Variants in CCNY observed in about 807,000 individuals in gnomAD.
CCNY encodes the protein cyclin-Y.
CCNY carries 19 observed loss-of-function variants against 42.8 expected under a neutral mutation model. That is an observed-to-expected ratio of 0.44 (90% CI 0.31 to 0.65). CCNY has a LOEUF of 0.65. Ranked by LOEUF, CCNY falls within the 30% of genes least tolerant of loss-of-function variation. CCNY has a pLI of 0.07. For missense variants in CCNY, 370 were observed against 437.3 expected, an observed-to-expected ratio of 0.85 and a Z score of 1.37; for synonymous variants, 165 against 162.7, an observed-to-expected ratio of 1.01 and a Z score of -0.11.
intron 4 of CCNY, among the ~76,000 whole-genome samples, chr10:35,524,443 C>T (rs1458647345): frequency 6.6e-6 from 1 of 152,180 alleles, no homozygotes; most frequent in Non-Finnish European, 1.5e-5. Flanking sequence ...GTGAGATTAG[C>T]TACTGTCATG....
rs367982853 is a variant in CCNY at position 35,436,250 on chromosome 10, G to A, written c.155-47154G>A. Reference sequence around the variant, plus strand: ...GGCAGGGCTTTAGAAAGGTGTGTGCGGTGGTGGGATGCAGTGTTCACAATT... The same window carrying A: ...GGCAGGGCTTTAGAAAGGTGTGTGCAGTGGTGGGATGCAGTGTTCACAATT... On this transcript the variant is annotated intron_variant, in intron 1 of 9. Coordinates refer to ENST00000374704, the MANE Select transcript of CCNY (RefSeq NM_145012.6). Among the ~76,000 whole-genome samples, 12 of 152,302 alleles carry A rather than the reference G, an allele frequency of 7.9e-5. No individual in the cohort carries two copies. In the East Asian group the frequency reaches 1.2e-3, roughly 15 times the overall value.
intron 3 of CCNY, among the ~76,000 whole-genome samples, chr10:35,291,337 CT>C (rs758090645): frequency 6.6e-6 from 1 of 151,990 alleles, no homozygotes; most frequent in Non-Finnish European, 1.5e-5. Context: ...GCTTCTTTCA[CT>C]TAGCATGATG....
chr10:35,253,553 C>T (rs1434132945), intron 3 of CCNY, among the ~76,000 whole-genome samples: 1 of 148,554 alleles, frequency 6.7e-6, no homozygotes, highest in Non-Finnish European at 1.5e-5. Context: ...ATTGGGATTA[C>T]AGGCATGAGC....
intron 3 of CCNY, among the ~76,000 whole-genome samples, chr10:35,290,255 C>T (rs961935654): frequency 6.6e-6 from 1 of 150,604 alleles, no homozygotes; most frequent in Non-Finnish European, 1.5e-5. Context: ...CACACACACA[C>T]ACACACACAA....
intron 2 of CCNY, among the ~76,000 whole-genome samples, chr10:35,484,683 A>G (rs1019528674): frequency 1.3e-5 from 2 of 152,208 alleles, no homozygotes; most frequent in Admixed American, 1.3e-4. Context: ...GTTTGGAACC[A>G]TGAAAAAAGA....
At chr10:35,341,389 G>C (rs1171642303) in intron 1 of CCNY, among the ~76,000 whole-genome samples, 2 of 152,106 alleles carry the variant, frequency 1.3e-5, no homozygotes, top group Admixed American at 1.3e-4. Flanking sequence ...CCGCCCACTG[G>C]CAATCCCAAT....
chr10:35,461,776 T>C (rs1839162820), intron 1 of CCNY, among the ~76,000 whole-genome samples: 1 of 152,216 alleles, frequency 6.6e-6, no homozygotes, highest in Admixed American at 6.5e-5. Flanking sequence ...GTATGGGCCC[T>C]TGGTCTACTG....
chr10:35,521,301 C>T (rs993286621), intron 4 of CCNY, among the ~76,000 whole-genome samples: 2 of 152,218 alleles, frequency 1.3e-5, no homozygotes, highest in South Asian at 4.1e-4. Flanking sequence ...CTGACCAAGC[C>T]TCTGAAGTTG....
intron 2 of CCNY, among the ~76,000 whole-genome samples, chr10:35,500,994 G>A (rs1262080347): frequency 6.6e-6 from 1 of 152,216 alleles, no homozygotes; most frequent in Non-Finnish European, 1.5e-5. Flanking sequence ...GTATTCACCA[G>A]CACCCAGCAT....
intron 3 of CCNY, among the ~76,000 whole-genome samples, chr10:35,315,717 T>G (rs995945246): frequency 6.6e-6 from 1 of 152,242 alleles, no homozygotes; most frequent in African/African-American, 2.4e-5. Context: ...CCACTAGCAG[T>G]GTATAAGCAT....
At chr10:35,400,207 TA>T (rs1217170491) in intron 1 of CCNY, among the ~76,000 whole-genome samples, 1 of 129,724 alleles carries the variant, frequency 7.7e-6, no homozygotes, top group African/African-American at 2.9e-5. Flanking sequence ...TGTAAAATAC[TA>T]AAAACGGCTT....
chr10:35,274,502 C>T (rs1229453241), intron 3 of CCNY, among the ~76,000 whole-genome samples: 8 of 152,204 alleles, frequency 5.3e-5, no homozygotes, highest in Admixed American at 5.2e-4. Context: ...GCTCCTAAAC[C>T]TGCACAGAGC....
chr10:35,467,427 ACTC>A (rs112136666), intron 1 of CCNY, among the ~76,000 whole-genome samples: 238 of 151,898 alleles, frequency 1.6e-3, no homozygotes, highest in African/African-American at 5.3e-3. Context: ...ACATGTGACA[ACTC>A]CACACATTGC....
At chr10:35,547,090 G>A (rs1227949129) in intron 7 of CCNY, among the ~76,000 whole-genome samples, 2 of 152,124 alleles carry the variant, frequency 1.3e-5, no homozygotes, top group East Asian at 1.9e-4. Context: ...GAGAGTAAGA[G>A]GATTTGTCAT....
intron 1 of CCNY, among the ~76,000 whole-genome samples, chr10:35,447,437 G>T (rs1218414451): frequency 6.6e-6 from 1 of 152,214 alleles, no homozygotes; most frequent in African/African-American, 2.4e-5. Context: ...AGGGGCAGAT[G>T]ATGGGGAAAC....
chr10:35,286,763 G>A (rs1333741198), intron 3 of CCNY, among the ~76,000 whole-genome samples: 1 of 150,964 alleles, frequency 6.6e-6, no homozygotes, highest in Non-Finnish European at 1.5e-5. Context: ...GGGTTCAAGA[G>A]ATCTTCTCAT....
chr10:35,254,873 A>C (rs2095714410), intron 3 of CCNY, among the ~76,000 whole-genome samples: 1 of 151,094 alleles, frequency 6.6e-6, no homozygotes, highest in Non-Finnish European at 1.5e-5. Flanking sequence ...AGAAAAAAAA[A>C]GGTGTGTTGT....
chr10:35,503,084 C>T (rs1840143156), intron 3 of CCNY, among the ~76,000 whole-genome samples: 1 of 152,106 alleles, frequency 6.6e-6, no homozygotes, highest in African/African-American at 2.4e-5. Context: ...AACATCCCTG[C>T]ACGCCCCACC....
intron 1 of CCNY, among the ~76,000 whole-genome samples, chr10:35,457,114 G>C (rs1234287823): frequency 6.6e-6 from 1 of 152,156 alleles, no homozygotes; most frequent in Non-Finnish European, 1.5e-5. Flanking sequence ...TATTTGTCCT[G>C]AATTACATGT....
Sources: allele counts gnomAD v4.1 joint callset (sites outside exome capture counted in the v4.1 genomes callset), GRCh38; gene constraint gnomAD v4.1.1; transcripts MANE v1.5; gene names NCBI Gene and HGNC (gene_info 2026-07-23, HGNC 2026-07-21).